The following CADPS2 variants were observed in gnomAD, a reference collection of about 807,000 sequenced individuals.
CADPS2 encodes calcium dependent secretion activator 2, also known as calcium-dependent secretion activator 2.
A neutral mutation model predicts 172.5 loss-of-function variants in CADPS2; 93 were observed. That is an observed-to-expected ratio of 0.54 (90% CI 0.46 to 0.64). The LOEUF is 0.64. Ranked by LOEUF, CADPS2 falls within the 30% of genes least tolerant of loss-of-function variation. CADPS2 has a pLI of 0.00. For synonymous variants in CADPS2, 546 were observed against 555.2 expected, an observed-to-expected ratio of 0.98 and a Z score of 0.23; for missense variants, 1,420 against 1,565.9, an observed-to-expected ratio of 0.91 and a Z score of 1.57.
At chr7:122,521,639 T>C (rs536679354) in intron 8 of CADPS2, among the ~76,000 whole-genome samples, 29 of 152,130 alleles carry the variant, frequency 1.9e-4, no homozygotes, top group South Asian at 1.5e-3. Context: ...TGGGGATGCA[T>C]GGAAAGGATC....
In CADPS2 at chr7:122,554,696, G is replaced by C; in HGVS notation, c.1336-7C>G. 1 of 1,573,036 alleles carries C rather than the reference G, an allele frequency of 6.4e-7. No homozygotes were observed. Among genetic ancestry groups the C allele is most frequent in the East Asian group, 2.3e-5 (1 of 44,166 alleles). ...AAGTTGGGTATAATATCACCTGTATGGAAAAAAAAACCCACATTTAAACGC... is the reference window on the plus strand; with the variant it reads ...AAGTTGGGTATAATATCACCTGTATCGAAAAAAAAACCCACATTTAAACGC... On this transcript the variant is annotated splice_region_variant and splice_polypyrimidine_tract_variant and intron_variant, in intron 7 of 29. Coordinates refer to ENST00000449022, the MANE Select transcript of CADPS2 (RefSeq NM_017954.11).
chr7:122,575,499 C>T (rs1218284714), intron 7 of CADPS2, among the ~76,000 whole-genome samples: 1 of 151,358 alleles, frequency 6.6e-6, no homozygotes, highest in Non-Finnish European at 1.5e-5. Context: ...CACAGTGGCA[C>T]GATCTCGGCT....
At chr7:122,599,388 T>G (rs564608089) in intron 6 of CADPS2, among the ~76,000 whole-genome samples, 2 of 152,018 alleles carry the variant, frequency 1.3e-5, no homozygotes, top group African/African-American at 4.8e-5. Flanking sequence ...TAAGAAAGAT[T>G]TGCTGGATAT....
intron 1 of CADPS2, among the ~76,000 whole-genome samples, chr7:122,819,594 T>C (rs887722420): frequency 1.3e-5 from 2 of 150,140 alleles, no homozygotes; most frequent in South Asian, 2.1e-4. Flanking sequence ...TCTAAACCTC[T>C]TAAAACTCCC....
At chr7:122,679,014 C>T (rs2471177) in intron 2 of CADPS2, among the ~76,000 whole-genome samples, 150,742 of 152,184 alleles carry the variant, frequency 0.99, 74,669 homozygotes, top group East Asian at 1. Flanking sequence ...CCTGTAATGA[C>T]TGCGTTAACT....
Position 122,743,897 on chromosome 7 carries a change from T to C in CADPS2, c.340-6829A>G, listed in dbSNP as rs146554847. ...AGCTGTATATCAGAAAAATAGGGGG[T>C]TCCAGCTACGTCTCATACATTATAA... On this transcript the variant is annotated intron_variant, in intron 1 of 29. Coordinates refer to ENST00000449022, the MANE Select transcript of CADPS2 (RefSeq NM_017954.11). 2.0e-5 allele frequency among the ~76,000 whole-genome samples: 3 copies of C among 151,788 alleles called. No homozygotes were observed. In the East Asian group the frequency reaches 5.8e-4, roughly 29 times the overall value.
At chr7:122,329,530 C>T (rs912928668) in intron 28 of CADPS2, among the ~76,000 whole-genome samples, 1 of 152,074 alleles carries the variant, frequency 6.6e-6, no homozygotes, top group Non-Finnish European at 1.5e-5. Context: ...AGCAACATAC[C>T]GTGCTTTCTT....
chr7:122,436,954 T>G lies in CADPS2; in HGVS notation c.2476+1387A>C, dbSNP rs74331865. Among the ~76,000 whole-genome samples the G allele has an allele frequency of 9.1e-3, 1,387 of 152,230 alleles. 22 individuals are homozygous for G. The highest frequency in any genetic ancestry group is 0.037 in the East Asian group (194 of 5,174). On this transcript the variant is annotated intron_variant, in intron 17 of 29. Coordinates refer to ENST00000449022, the MANE Select transcript of CADPS2 (RefSeq NM_017954.11). ...GAGAGCAAAATGATTCTTACAGGTT[T>G]TTTTGGGTAGAGTACATAACATTTA...
chr7:122,527,292 C>T (rs944554227), intron 8 of CADPS2, among the ~76,000 whole-genome samples: 1 of 151,824 alleles, frequency 6.6e-6, no homozygotes, highest in Non-Finnish European at 1.5e-5. Flanking sequence ...GGCTCTTCAA[C>T]CACCGCTGAA....
intron 28 of CADPS2, among the ~76,000 whole-genome samples, chr7:122,327,774 GA>G (rs1388916869): frequency 1.3e-5 from 2 of 151,676 alleles, no homozygotes; most frequent in African/African-American, 4.8e-5. Context: ...TAATCTTAGA[GA>G]AAAAGAATTT....
intron 6 of CADPS2, among the ~76,000 whole-genome samples, chr7:122,588,746 A>G (rs774616972): frequency 3.9e-5 from 6 of 151,908 alleles, no homozygotes; most frequent in Non-Finnish European, 7.4e-5. Flanking sequence ...GATTTGCTGA[A>G]GAAACTGACT....
At chr7:122,879,392 C>T (rs1381633752) in intron 1 of CADPS2, among the ~76,000 whole-genome samples, 1 of 151,322 alleles carries the variant, frequency 6.6e-6, no homozygotes, top group Non-Finnish European at 1.5e-5. Context: ...AAAAATTAGC[C>T]AGACACGGTG....
In CADPS2 at chr7:122,320,088, A is replaced by C. The variant is rs2032076557; in HGVS notation, c.*77T>G. On this transcript the variant is annotated 3_prime_UTR_variant, in exon 30 of 30. Transcript: ENST00000449022. ...TTTGGCCAAAACAAACAATGAATGT[A>C]ATTACAAGGACAAGGTTAAAAAAAT... 1.0e-5 allele frequency: 13 copies of C among 1,292,428 alleles called. No individual in the cohort carries two copies. In the South Asian group the frequency reaches 1.8e-4, roughly 17 times the overall value. 80.1% of individuals were successfully genotyped at this position (1,292,428 alleles called of 1,614,324 possible).
In CADPS2 at chr7:122,663,350, C is replaced by A. The variant is rs1473707505; in HGVS notation, c.673G>T (p.Ala225Ser). Reference protein sequence around the residue: ...EDLCKQPNRMALSAVSELILS... With the variant: ...EDLCKQPNRMSLSAVSELILS... ...ATAAGTTCAGACACTGCACTTAGGGCCATTCTATTTGGCTGTTTGCACAAG... is the reference window on the plus strand; with the variant it reads ...ATAAGTTCAGACACTGCACTTAGGGACATTCTATTTGGCTGTTTGCACAAG... The change falls in exon 3 of 30, where the codon GCC becomes TCC. Residue 225 changes from alanine to serine, a missense_variant. Transcript: ENST00000449022. 1 of 1,613,886 alleles carries A rather than the reference C, an allele frequency of 6.2e-7. No individual in the cohort carries two copies. The highest frequency in any genetic ancestry group is 8.5e-7 in the Non-Finnish European group (1 of 1,179,848).
At chr7:122,745,173 C>T (rs911205507) in intron 1 of CADPS2, among the ~76,000 whole-genome samples, 11 of 151,864 alleles carry the variant, frequency 7.2e-5, no homozygotes, top group African/African-American at 2.7e-4. Flanking sequence ...AAGGTCTACT[C>T]TTAGCAAATT....
chr7:122,818,294 A>G (rs1445085510), intron 1 of CADPS2, among the ~76,000 whole-genome samples: 3 of 152,030 alleles, frequency 2.0e-5, no homozygotes, highest in Non-Finnish European at 2.9e-5. Context: ...CTGCAATGCC[A>G]CTTGACCCCA....
intron 8 of CADPS2, among the ~76,000 whole-genome samples, chr7:122,532,869 C>T (rs2061902054): frequency 1.3e-5 from 2 of 152,050 alleles, no homozygotes; most frequent in South Asian, 4.2e-4. Context: ...ATAGTGCCCC[C>T]AAGTGGATAA....
At chr7:122,388,827 G>A in intron 22 of CADPS2, 89 bp from the exon 23 acceptor site, 1 of 1,184,966 alleles carries the variant, frequency 8.4e-7, no homozygotes, top group Non-Finnish European at 1.1e-6. Flanking sequence ...TGCATCAATT[G>A]CCATCAGTGA....
At chr7:122,762,388 A>C (rs2093417965) in intron 1 of CADPS2, among the ~76,000 whole-genome samples, 2 of 152,154 alleles carry the variant, frequency 1.3e-5, no homozygotes, top group Admixed American at 6.6e-5. Flanking sequence ...AAATTAACAA[A>C]TTAAGAATGC....
Sources: gnomAD v4.1 joint callset for allele counts (sites outside exome capture counted in the v4.1 genomes callset) on GRCh38, gnomAD v4.1.1 for gene constraint, MANE v1.5 for transcripts, NCBI Gene and HGNC (gene_info 2026-07-23, HGNC 2026-07-21) for gene names.